CYSLTR1: variants seen among roughly 807,000 people sequenced by gnomAD.
CYSLTR1 encodes cysteinyl leukotriene receptor 1.
Under a neutral mutation model 2.1 loss-of-function variants are expected in CYSLTR1, and 1 was observed. The observed-to-expected ratio is 0.48, with a 90% CI of 0.17 to 2.28. The LOEUF (loss-of-function observed/expected upper bound fraction) is 2.28, where lower values mean the gene tolerates loss of function less well. CYSLTR1 is among the 30% of genes most tolerant of loss of function. CYSLTR1 has a pLI of 0.26. For missense variants in CYSLTR1, 299 were observed against 250.1 expected, an observed-to-expected ratio of 1.20 and a Z score of -1.32; for synonymous variants, 110 against 89.6, an observed-to-expected ratio of 1.23 and a Z score of -1.28.
At chrX:78,316,103 C>A (rs1177793253) in intron 1 of CYSLTR1, among the ~76,000 whole-genome samples, 1 of 112,393 alleles carries the variant, frequency 8.9e-6, no homozygotes, top group Non-Finnish European at 1.9e-5. Flanking sequence ...GAACAAGAAT[C>A]TCTGCCTGGC....
chrX:78,283,210 C>T (rs963968585), intron 2 of CYSLTR1, among the ~76,000 whole-genome samples: 4 of 111,800 alleles, frequency 3.6e-5, no homozygotes, highest in South Asian at 7.4e-4. Flanking sequence ...ATACTTAAGA[C>T]CTCATCCCTG....
chrX:78,324,128 G>T lies in CYSLTR1; in HGVS notation c.-115+3177C>A, dbSNP rs978194561. Among the ~76,000 whole-genome samples the T allele has an allele frequency of 4.5e-5, 5 of 111,832 alleles. No individual in the cohort carries two copies. The South Asian group carries it at 1.5e-3, about 34-fold the overall frequency. ...GACAGAATGAAGCAGCAGGATAGAA[G>T]AATTTATACAGTGGCCTTTTCTACT... On this transcript the variant is annotated intron_variant, in intron 1 of 2. Transcript: ENST00000373304.
At chrX:78,301,413 C>T (rs914716144) in intron 1 of CYSLTR1, among the ~76,000 whole-genome samples, 6 of 112,064 alleles carry the variant, frequency 5.4e-5, no homozygotes, top group Non-Finnish European at 7.5e-5. Context: ...TGCTTTGCTG[C>T]TTAGAAATTT....
intron 2 of CYSLTR1, among the ~76,000 whole-genome samples, chrX:78,281,213 G>C (rs897525328): frequency 9.2e-6 from 1 of 109,102 alleles, no homozygotes; most frequent in African/African-American, 3.3e-5. Flanking sequence ...CAGTGTATAA[G>C]TGTTTTTTTT....
At chrX:78,281,218 T>C (rs1413547225) in intron 2 of CYSLTR1, among the ~76,000 whole-genome samples, 3 of 111,244 alleles carry the variant, frequency 2.7e-5, no homozygotes, top group Non-Finnish European at 3.8e-5. Flanking sequence ...TATAAGTGTT[T>C]TTTTTTTCTC....
At chrX:78,274,465 G>A (rs895078600) in intron 2 of CYSLTR1, among the ~76,000 whole-genome samples, 4 of 111,547 alleles carry the variant, frequency 3.6e-5, no homozygotes, top group Admixed American at 9.6e-5. Context: ...CCTGACAAAA[G>A]CAAGAAATGG....
At chrX:78,318,217 G>A (rs1923500582) in intron 1 of CYSLTR1, among the ~76,000 whole-genome samples, 1 of 112,212 alleles carries the variant, frequency 8.9e-6, no homozygotes, top group Non-Finnish European at 1.9e-5. Context: ...AAAAAGGAAT[G>A]AGATTATGTC....
intron 1 of CYSLTR1, among the ~76,000 whole-genome samples, chrX:78,289,125 C>T (rs995797428): frequency 9.1e-6 from 1 of 109,404 alleles, no homozygotes; most frequent in South Asian, 4.1e-4. Flanking sequence ...CCCTCCACCC[C>T]CCGACAGGCC....
At chrX:78,275,865 T>C (rs1921569035) in intron 2 of CYSLTR1, among the ~76,000 whole-genome samples, 1 of 110,737 alleles carries the variant, frequency 9.0e-6, no homozygotes, top group Non-Finnish European at 1.9e-5. Context: ...TGGGGGAGAG[T>C]ATTAATCTAG....
Position 78,272,939 on chromosome X carries a change from C to G in CYSLTR1, c.808G>C (p.Val270Leu). The G allele has an allele frequency of 8.3e-7, 1 of 1,210,741 alleles. No homozygotes were observed. Among genetic ancestry groups the G allele is most frequent in the Non-Finnish European group, 1.1e-6 (1 of 894,943 alleles). The change falls in exon 3 of 3, where the codon GTC (valine) becomes CTC (leucine). Residue 270 changes from valine (V) to leucine (L), a missense_variant. Transcript: ENST00000373304. ...LHNETKPCDS[V>L]LRMQKSVVIT... The stretch of plus-strand genomic sequence containing the variant: ...ACCACGGACTTCTGCATTCTAAGGA[C>G]AGAATCACAGGGTTTAGTTTCATTG...
chrX:78,272,736 T>C lies in CYSLTR1; in HGVS notation c.1011A>G (p.Val337=). 8.4e-7 allele frequency: 1 copy of C among 1,189,808 alleles called. No homozygotes were observed. Among genetic ancestry groups the C allele is most frequent in the Non-Finnish European group, 1.1e-6 (1 of 885,183 alleles). The change falls in exon 3 of 3, where the codon GTA becomes GTG. Residue 337 remains valine, a synonymous_variant. Coordinates refer to ENST00000373304, the MANE Select transcript of CYSLTR1 (RefSeq NM_006639.4). ...LPEKGEEICK[V] ...TTGGACTGGAAATGGGTTTAAACTA[T>C]ACTTTACATATTTCTTCTCCTTTTT...
At chrX:78,285,421 C>CAAAAA (rs397897021) in intron 1 of CYSLTR1, among the ~76,000 whole-genome samples, 1 of 65,634 alleles carries the variant, frequency 1.5e-5, no homozygotes, top group Non-Finnish European at 2.7e-5. Flanking sequence ...GACTCCGTCT[C>CAAAAA]AAAAAAAAAA....
chrX:78,327,535 G>A lies in CYSLTR1; in HGVS notation c.-345C>T, dbSNP rs1167579953. The A allele has an allele frequency of 2.7e-5, 3 of 111,876 alleles. No homozygotes were observed. Among genetic ancestry groups the A allele is most frequent in the Non-Finnish European group, 5.6e-5 (3 of 53,208 alleles). The allele number at this position is 111,876 out of a possible 1,213,427, so 9.2% of individuals were successfully genotyped here. A position where few individuals can be genotyped will look rare whatever the true frequency, so the allele number is the denominator to read the frequency against. The stretch of plus-strand genomic sequence containing the variant: ...GGTTGCTGCTATTTTTAAGAGGGGA[G>A]AGAGCAGGGCACATTTGCTAGCCAA... On this transcript the variant is annotated 5_prime_UTR_variant, in exon 1 of 3. Coordinates refer to ENST00000373304, the MANE Select transcript of CYSLTR1 (RefSeq NM_006639.4).
intron 1 of CYSLTR1, among the ~76,000 whole-genome samples, chrX:78,293,940 C>T (rs187719939): frequency 6.3e-5 from 7 of 111,800 alleles, no homozygotes; most frequent in East Asian, 5.6e-4. Context: ...TCCTTTAGCT[C>T]GGAGAAGTTT....
chrX:78,311,877 G>T (rs1300674074), intron 1 of CYSLTR1, among the ~76,000 whole-genome samples: 3 of 111,878 alleles, frequency 2.7e-5, no homozygotes, highest in Admixed American at 1.9e-4. Context: ...TAGAGTGGAA[G>T]AATCAATATT....
At chrX:78,281,434 C>G (rs1021618663) in intron 2 of CYSLTR1, among the ~76,000 whole-genome samples, 7 of 110,081 alleles carry the variant, frequency 6.4e-5, no homozygotes, top group African/African-American at 2.3e-4. Flanking sequence ...TCACGCCCAG[C>G]TAATTTTTGT....
At chrX:78,299,882 C>T (rs768294743) in intron 1 of CYSLTR1, among the ~76,000 whole-genome samples, 2 of 111,206 alleles carry the variant, frequency 1.8e-5, no homozygotes, top group Admixed American at 1.9e-4. Context: ...ATGCTTTCTA[C>T]CCCTATTTCT....
At chrX:78,280,559 C>CT (rs1164448107) in intron 2 of CYSLTR1, among the ~76,000 whole-genome samples, 37 of 107,650 alleles carry the variant, frequency 3.4e-4, no homozygotes, top group Middle Eastern at 4.7e-3. Context: ...GATCTACTTT[C>CT]TTTTTTTTCA....
intron 1 of CYSLTR1, among the ~76,000 whole-genome samples, chrX:78,283,785 T>C (rs1921940321): frequency 8.9e-6 from 1 of 112,220 alleles, no homozygotes; most frequent in Non-Finnish European, 1.9e-5. Context: ...GCTGTGTGCA[T>C]GTAGCATCTG....
Sources: gnomAD v4.1 joint callset for allele counts (sites outside exome capture counted in the v4.1 genomes callset) on GRCh38, gnomAD v4.1.1 for gene constraint, MANE v1.5 for transcripts, NCBI Gene and HGNC (gene_info 2026-07-23, HGNC 2026-07-21) for gene names.